The following SPTBN4 variants were observed in gnomAD, a reference collection of about 807,000 sequenced individuals.
SPTBN4 encodes the protein spectrin beta, non-erythrocytic 4.
A neutral mutation model predicts 277.8 loss-of-function variants in SPTBN4; 96 were observed. The observed-to-expected ratio is 0.35, with a 90% confidence interval of 0.29 to 0.41. SPTBN4 has a LOEUF of 0.41. Ranked by LOEUF, SPTBN4 falls within the 10% of genes least tolerant of loss-of-function variation. SPTBN4 has a pLI of 1.00. For synonymous variants in SPTBN4, 1,481 were observed against 1,580.3 expected (o/e 0.94, Z 1.49); for missense variants, 3,006 against 3,595.7 (o/e 0.84, Z 4.19).
At chr19:40,468,509 TG>T (rs1159834409) in intron 1 of SPTBN4, among the ~76,000 whole-genome samples, 22 of 152,288 alleles carry the variant, frequency 1.4e-4, no homozygotes, top group African/African-American at 4.8e-4. Flanking sequence ...CCCAAGTAAC[TG>T]GGACTACAGA....
intron 2 of SPTBN4, among the ~76,000 whole-genome samples, chr19:40,481,937 C>CTTTT (rs573402326): frequency 6.9e-6 from 1 of 144,936 alleles, no homozygotes; most frequent in Non-Finnish European, 1.5e-5. Context: ...CCATTCAAGT[C>CTTTT]TTTTTTTTTT....
chr19:40,471,146 CA>C (rs1298481168), intron 1 of SPTBN4, among the ~76,000 whole-genome samples: 1 of 152,010 alleles, frequency 6.6e-6, no homozygotes, highest in Non-Finnish European at 1.5e-5. Context: ...AGGGTTTCAC[CA>C]TGTTGGCCAG....
intron 3 of SPTBN4, 50 bp downstream of exon 3, chr19:40,487,898 C>T: frequency 1.3e-6 from 2 of 1,516,968 alleles, no homozygotes; most frequent in South Asian, 1.3e-5. Context: ...GGGTCTCAGG[C>T]TGGGGGTTGG....
chr19:40,560,870 A>G lies in SPTBN4; in HGVS notation c.5915+467A>G. 1 of 401,628 alleles carries G rather than the reference A, an allele frequency of 2.5e-6. No individual in the cohort carries two copies. The highest frequency in any genetic ancestry group is 3.6e-6 in the Non-Finnish European group (1 of 278,738). 24.9% of individuals were successfully genotyped at this position (401,628 alleles called of 1,614,324 possible). A position where few individuals can be genotyped will look rare whatever the true frequency, so the allele number is the denominator to read the frequency against. On this transcript the variant is annotated intron_variant, in intron 27 of 35. Transcript: ENST00000598249. The surrounding 1 kb of genome is among the most constrained non-coding windows in gnomAD (Gnocchi z 5.2). ...GGAGCCAGGGTCCTTCCATCATGCC[A>G]CCCTGGGAGTCACATGCTGGACCCT...
At chr19:40,511,175 G>T (rs1209460988) in intron 13 of SPTBN4, among the ~76,000 whole-genome samples, 2 of 152,088 alleles carry the variant, frequency 1.3e-5, no homozygotes, top group East Asian at 1.9e-4. Context: ...GGAGGCTGAG[G>T]GGGGCGGATC....
chr19:40,509,452 T>C (rs1222513878), intron 13 of SPTBN4, among the ~76,000 whole-genome samples: 1 of 151,854 alleles, frequency 6.6e-6, no homozygotes, highest in African/African-American at 2.4e-5. Context: ...TCCATGTTGG[T>C]CAGGCTGGTC....
intron 20 of SPTBN4, among the ~76,000 whole-genome samples, chr19:40,537,088 C>T (rs2080746546): frequency 6.6e-6 from 1 of 152,114 alleles, no homozygotes; most frequent in Non-Finnish European, 1.5e-5. Flanking sequence ...CAGCTCACTG[C>T]AGCCTCTGCC....
chr19:40,566,327 G>A lies in SPTBN4; in HGVS notation c.6304G>A (p.Glu2102Lys). ...CCGCAAAGCGGCTGCAGCCTGGGAA[G>A]AGAGGTTCAGCTCTCTGCGGCGCCT... ...AFRKAAAAWEERFSSLRRLTT... is the reference protein window; with the variant it reads ...AFRKAAAAWEKRFSSLRRLTT... Residue 2102 changes from glutamate (E) to lysine (K), a missense_variant, in exon 30 of 36, where the codon GAG becomes AAG. Coordinates refer to ENST00000598249, the MANE Select transcript of SPTBN4 (RefSeq NM_020971.3). The A allele has an allele frequency of 1.9e-6, 3 of 1,589,074 alleles. No individual in the cohort carries two copies. Among genetic ancestry groups the A allele is most frequent in the Non-Finnish European group, 2.6e-6 (3 of 1,168,058 alleles).
At chr19:40,504,593 C>T (rs948315639) in intron 12 of SPTBN4, among the ~76,000 whole-genome samples, 4 of 151,188 alleles carry the variant, frequency 2.6e-5, no homozygotes, top group Admixed American at 6.6e-5. Flanking sequence ...GGCGTGAACC[C>T]GGGAGGCGGA....
chr19:40,528,055 C>CAA lies in SPTBN4; in HGVS notation c.3858-966_3858-965dup, dbSNP rs751179742. On this transcript the variant is annotated intron_variant, in intron 17 of 35. Transcript: ENST00000598249. Reference sequence around the variant, plus strand: ...TGGGCGATGGAGCGAGACTCCATCTCAAAAAAAAAAAAAAAAAAAAAGGAC... The same window carrying CAA: ...TGGGCGATGGAGCGAGACTCCATCTCAAAAAAAAAAAAAAAAAAAAAAAGGAC... Among the ~76,000 whole-genome samples the CAA allele has an allele frequency of 5.0e-3, 169 of 33,588 alleles. 4 individuals carry two copies. The highest frequency in any genetic ancestry group is 0.019 in the Middle Eastern group (1 of 54). 22.0% of individuals were successfully genotyped at this position (33,588 alleles called of 152,430 possible). A position where few individuals can be genotyped will look rare whatever the true frequency, so the allele number is the denominator to read the frequency against.
intron 2 of SPTBN4, among the ~76,000 whole-genome samples, chr19:40,481,930 T>C (rs2080016700): frequency 6.6e-6 from 1 of 151,626 alleles, no homozygotes; most frequent in Admixed American, 6.6e-5. Flanking sequence ...GAGATGGCCA[T>C]TCAAGTCTTT....
chr19:40,567,326 T>TAAAC (rs1331754703), intron 30 of SPTBN4, among the ~76,000 whole-genome samples: 1 of 150,176 alleles, frequency 6.7e-6, no homozygotes, highest in Non-Finnish European at 1.5e-5. Flanking sequence ...AATAAATAAA[T>TAAAC]AAATAAATAA....
In SPTBN4 at chr19:40,515,631, A is replaced by G. The variant is rs993929634; in HGVS notation, c.2903+183A>G. Among the ~76,000 whole-genome samples, 4 of 152,180 alleles carry G rather than the reference A, an allele frequency of 2.6e-5. No homozygotes were observed. Among genetic ancestry groups the G allele is most frequent in the Non-Finnish European group, 5.9e-5 (4 of 68,032 alleles). On this transcript the variant is annotated intron_variant, in intron 15 of 35. Transcript: ENST00000598249. This position sits in a 1 kb window ranked among gnomAD's most constrained non-coding sequence, Gnocchi z 4.1. ...GATGACGTGGTAAAATTAAAACAAC[A>G]TTTCAGTTGGCTGTTCATTTATTTG...
rs912510761 is a variant in SPTBN4 at position 40,556,132 on chromosome 19, G to A, written c.5133G>A (p.Ala1711=). 1.9e-5 allele frequency: 30 copies of A among 1,612,790 alleles called. No individual in the cohort carries two copies. Among genetic ancestry groups the A allele is most frequent in the East Asian group, 4.5e-5 (2 of 44,876 alleles). Residue 1711 remains alanine (A), a synonymous_variant, in exon 25 of 36, where the codon GCG becomes GCA. Coordinates refer to ENST00000598249, the MANE Select transcript of SPTBN4 (RefSeq NM_020971.3). ...CTCAGGTGGACCGCCTGTACGTGGC[G>A]CTCAAGGAGCTGGGTGAGGAGCGCC... ...RQSQVDRLYV[A]LKELGEERRV... is the part of the protein sequence containing the mutation.
At chr19:40,535,913 T>C (rs1472199807) in intron 20 of SPTBN4, among the ~76,000 whole-genome samples, 3 of 151,974 alleles carry the variant, frequency 2.0e-5, no homozygotes, top group Admixed American at 6.6e-5. Context: ...TGAGCTGAGA[T>C]TGCATCATTG....
At position 40,565,496 on chromosome 19, in the gene SPTBN4, G is replaced by C. The variant is rs1309220044; in HGVS notation, c.5989G>C (p.Glu1997Gln). ...LKTELEARVP[E>Q]LTTCQELGRS... ...GACTGAGCTGGAGGCGCGGGTGCCT[G>C]AGCTGACCACCTGCCAGGAGCTGGG... Residue 1997 changes from glutamate (E) to glutamine (Q), a missense_variant, in exon 28 of 36, where the codon GAG becomes CAG. Transcript: ENST00000598249. 10 of 1,614,042 alleles carry C rather than the reference G, an allele frequency of 6.2e-6. No homozygotes were observed. Among genetic ancestry groups the C allele is most frequent in the Non-Finnish European group, 8.5e-6 (10 of 1,180,036 alleles).
chr19:40,480,832 G>A (rs2080002821), intron 2 of SPTBN4, among the ~76,000 whole-genome samples: 1 of 152,170 alleles, frequency 6.6e-6, no homozygotes, highest in Admixed American at 6.5e-5. Flanking sequence ...GGAGGCCAAG[G>A]CAGGCGGATT....
intron 17 of SPTBN4, among the ~76,000 whole-genome samples, chr19:40,527,383 G>A (rs1243884114): frequency 6.6e-6 from 1 of 152,054 alleles, no homozygotes; most frequent in East Asian, 1.9e-4. Context: ...TCTAAGCATT[G>A]GGGACACATC....
intron 18 of SPTBN4, 101 bp from the exon 19 acceptor site, chr19:40,532,523 CA>C: frequency 6.9e-7 from 1 of 1,443,926 alleles, no homozygotes; most frequent in Non-Finnish European, 9.3e-7. Context: ...TCCACCCATA[CA>C]CCCTAGCAGC....
Sources: gnomAD v4.1 joint callset for allele counts (sites outside exome capture counted in the v4.1 genomes callset) on GRCh38, gnomAD v4.1.1 for gene constraint, Gnocchi (gnomAD v3.1) non-coding constraint, MANE v1.5 for transcripts, NCBI Gene and HGNC (gene_info 2026-07-23, HGNC 2026-07-21) for gene names.